Variants in MDM2 observed in about 807,000 individuals in gnomAD.
The protein encoded by MDM2 is MDM2 proto-oncogene.
Under a neutral mutation model 64.3 loss-of-function variants are expected in MDM2, and 11 were observed. The observed-to-expected ratio is 0.17, with a 90% CI of 0.11 to 0.28. MDM2 has a LOEUF of 0.28. MDM2 is among the 10% of genes least tolerant of loss of function. The pLI, the probability that MDM2 is intolerant of heterozygous loss-of-function variation, is 1.00. For missense variants in MDM2, 388 were observed against 577.1 expected (o/e 0.67, Z 3.36); for synonymous variants, 194 against 192.9 (o/e 1.01, Z -0.05).
At chr12:68,823,993 C>T (rs528515823) in intron 5 of MDM2, among the ~76,000 whole-genome samples, 5 of 152,190 alleles carry the variant, frequency 3.3e-5, no homozygotes, top group South Asian at 2.1e-4. Flanking sequence ...TTTCACATGG[C>T]GTTTTCTTGG....
intron 5 of MDM2, among the ~76,000 whole-genome samples, chr12:68,821,854 G>C (rs1881882989): frequency 6.6e-6 from 1 of 152,032 alleles, no homozygotes; most frequent in African/African-American, 2.4e-5. Context: ...TGTTTTACTT[G>C]TGGGTTTTTT....
At chr12:68,825,303 T>A (rs1031851751) in intron 7 of MDM2, among the ~76,000 whole-genome samples, 19 of 152,330 alleles carry the variant, frequency 1.2e-4, no homozygotes, top group African/African-American at 4.1e-4. Context: ...TTATTTTTAA[T>A]AAATGGTAGT....
chr12:68,847,196 T>TTATATATATATGTATATATATATA (rs1884366998), downstream of MDM2: 7 of 92,080 alleles, frequency 7.6e-5, no homozygotes, highest in Admixed American at 9.8e-5. Context: ...TGTGTGTACA[T>TTATATATATATGTATATATATATA]TATATATATA....
chr12:68,838,790 G>A (rs1565747234), intron 10 of MDM2, among the ~76,000 whole-genome samples: 1 of 152,040 alleles, frequency 6.6e-6, no homozygotes, highest in African/African-American at 2.4e-5. Flanking sequence ...AACTTTATAG[G>A]TACATGATTA....
chr12:68,826,685 G>A (rs144710751), intron 7 of MDM2, among the ~76,000 whole-genome samples: 206 of 150,568 alleles, frequency 1.4e-3, no homozygotes, highest in African/African-American at 4.4e-3. Context: ...AAAAGTCTTA[G>A]AGTTCTTAAC....
intron 7 of MDM2, among the ~76,000 whole-genome samples, chr12:68,825,521 C>T (rs943490913): frequency 7.9e-5 from 12 of 151,976 alleles, no homozygotes; most frequent in East Asian, 5.8e-4. Context: ...GATGTGGTGG[C>T]GGGTGCCTGT....
rs552498304 is a variant in MDM2, at chr12:68,824,468, T to C, written c.426+38T>C. 282 of 1,601,894 alleles carry C rather than the reference T, an allele frequency of 1.8e-4. 2 individuals are homozygous for C. The South Asian group carries it at 2.9e-3, about 17-fold the overall frequency. ...AATTTCTCATTCTAATGTAATATTATTTGCAAATTGGAAAGGTTATTTACA... is the reference window on the plus strand; with the variant it reads ...AATTTCTCATTCTAATGTAATATTACTTGCAAATTGGAAAGGTTATTTACA... On this transcript the variant is annotated intron_variant, in intron 6 of 10. Coordinates refer to ENST00000258149, the MANE Select transcript of MDM2 (RefSeq NM_002392.6).
intron 4 of MDM2, among the ~76,000 whole-genome samples, chr12:68,818,399 G>GA (rs1172129013): frequency 2.0e-5 from 3 of 150,120 alleles, no homozygotes; most frequent in Admixed American, 6.6e-5. Context: ...AAAAGTAAAG[G>GA]AAAAAAAAGG....
At chr12:68,824,316 G>GCCC in intron 5 of MDM2, 47 bp from the exon 6 acceptor site, 5 of 1,030,144 alleles carry the variant, frequency 4.9e-6, no homozygotes, top group Non-Finnish European at 7.5e-6. Flanking sequence ...GCGCCCCGCC[G>GCCC]CCCCCCGCCC....
rs764710762 is a variant in MDM2 at position 68,835,809 on chromosome 12, A to G, written c.685-20A>G. On this transcript the variant is annotated intron_variant, in intron 8 of 10. Transcript: ENST00000258149. ...CAAGAGGTGATGTTTATTAAGTTAT[A>G]TATTTTTTTCTTGTTTTAGGATCTT... 1.9e-6 allele frequency: 3 copies of G among 1,607,300 alleles called. No homozygotes were observed. The highest frequency in any genetic ancestry group is 2.5e-6 in the Non-Finnish European group (3 of 1,176,866).
chr12:68,836,014 TG>T, intron 9 of MDM2, 30 bp downstream of exon 9: 1 of 1,515,742 alleles, frequency 6.6e-7, no homozygotes, highest in Non-Finnish European at 8.9e-7. Context: ...CTAATTATAT[TG>T]GAAAATTATT....
rs112584632 is a variant in MDM2 at position 68,843,698 on chromosome 12, ACT to A, written c.*3866_*3867del. On this transcript the variant is annotated 3_prime_UTR_variant, in exon 11 of 11. Transcript: ENST00000258149. Reference sequence around the variant, plus strand: ...ACTAATGGTACATTGTTGCTTCAAAACTCTCTCTCTCTCTCTCTGTCTGTCTC... The same window carrying A: ...ACTAATGGTACATTGTTGCTTCAAAACTCTCTCTCTCTCTCTGTCTGTCTC... The A allele has an allele frequency of 0.43, 89,955 of 208,216 alleles. 17,158 individuals carry two copies. The highest frequency in any genetic ancestry group is 0.48 in the Non-Finnish European group (49,660 of 103,940). The allele number at this position is 208,216 out of a possible 1,614,324, so 12.9% of individuals were successfully genotyped here. A position where few individuals can be genotyped will look rare whatever the true frequency, so the allele number is the denominator to read the frequency against.
In MDM2 at chr12:68,842,818, T is replaced by G; in HGVS notation, c.*2969T>G. The G allele has an allele frequency of 1.0e-5, 2 of 199,312 alleles. No homozygotes were observed. The highest frequency in any genetic ancestry group is 2.1e-5 in the Non-Finnish European group (2 of 96,324). The allele number at this position is 199,312 out of a possible 1,614,324, so 12.3% of individuals were successfully genotyped here. ...TCTTTTATTTTGATTTTAATATTTC[T>G]TATTTTGGTTTATTAGTGTCTTAGA... On this transcript the variant is annotated 3_prime_UTR_variant, in exon 11 of 11. Transcript: ENST00000258149.
chr12:68,830,639 G>T (rs1202254997), intron 8 of MDM2, among the ~76,000 whole-genome samples: 1 of 152,120 alleles, frequency 6.6e-6, no homozygotes, highest in African/African-American at 2.4e-5. Context: ...TGATAAAATT[G>T]AATCCAATTA....
chr12:68,825,659 G>A (rs550292009), intron 7 of MDM2, among the ~76,000 whole-genome samples: 2 of 152,232 alleles, frequency 1.3e-5, no homozygotes, highest in South Asian at 4.1e-4. Context: ...AAAAAAAAGA[G>A]AGAGAGAGAA....
chr12:68,847,448 C>CTT (rs1461223164), downstream of MDM2: 4 of 66,772 alleles, frequency 6.0e-5, no homozygotes, highest in Non-Finnish European at 8.6e-5. Flanking sequence ...TTTGTATCTC[C>CTT]TTTCTTTTTT....
chr12:68,811,531 C>A (rs1467161636), intron 2 of MDM2, among the ~76,000 whole-genome samples: 1 of 149,718 alleles, frequency 6.7e-6, no homozygotes, highest in East Asian at 2.0e-4. Context: ...ATGCTATTAT[C>A]TTTTATAGCT....
At chr12:68,848,832 C>T (rs751169591), downstream of MDM2, 3 of 152,216 alleles carry the variant, frequency 2.0e-5, no homozygotes, top group Non-Finnish European at 2.9e-5. Context: ...CCTGCCTCAG[C>T]CTCCCGAGTA....
At position 68,828,771 on chromosome 12, in the gene MDM2, A is replaced by G. The variant is rs1373817480; in HGVS notation, c.524A>G (p.Glu175Gly). The G allele has an allele frequency of 6.2e-7, 1 of 1,613,674 alleles. No homozygotes were observed. The highest frequency in any genetic ancestry group is 1.7e-5 in the Admixed American group (1 of 59,914). ...TTATTTTTTTTCCTTACATATCCAG[A>G]AGAAAATTCAGATGAATTATCTGGT... ...SSRRRAISET[E>G]ENSDELSGER... The change falls in exon 8 of 11, where the codon GAA becomes GGA. Residue 175 changes from glutamate (E) to glycine (G), a missense_variant and splice_region_variant. Physicochemically the swap from Glu to Gly is moderately conservative, Grantham distance 98 (BLOSUM62 -2). Transcript: ENST00000258149.
Sources: gnomAD v4.1 joint callset for allele counts (sites outside exome capture counted in the v4.1 genomes callset) on GRCh38, gnomAD v4.1.1 for gene constraint, MANE v1.5 for transcripts, NCBI Gene and HGNC (gene_info 2026-07-23, HGNC 2026-07-21) for gene names.